Variants in IQCH observed in about 807,000 individuals in gnomAD.
The protein encoded by IQCH is IQ motif containing H.
A neutral mutation model predicts 117.0 loss-of-function variants in IQCH; 98 were observed. The ratio of observed to expected loss-of-function variants is 0.84; its 90% CI spans 0.71 to 0.99. IQCH has a LOEUF of 0.99. Among genes scored for constraint, IQCH ranks in the 50% least tolerant of loss-of-function variants. The pLI is 0.00. For synonymous variants in IQCH, 412 were observed against 448.2 expected (o/e 0.92, Z 1.02); for missense variants, 1,102 against 1,243.8 (o/e 0.89, Z 1.72).
intron 4 of IQCH, among the ~76,000 whole-genome samples, chr15:67,299,992 T>G (rs1395477747): frequency 6.6e-6 from 1 of 152,176 alleles, no homozygotes; most frequent in Non-Finnish European, 1.5e-5. Flanking sequence ...ATGTTTACTT[T>G]AATACGTTAT....
chr15:67,349,615 A>AAAG (rs1969561479), intron 6 of IQCH, among the ~76,000 whole-genome samples: 1 of 151,454 alleles, frequency 6.6e-6, no homozygotes. Flanking sequence ...TCAAAAAAAA[A>AAAG]AAAAAAAGGA....
In IQCH at chr15:67,454,107, G is replaced by A. The variant is rs1027142823; in HGVS notation, c.2506-11020G>A. Among the ~76,000 whole-genome samples, 6 of 152,172 alleles carry A rather than the reference G, an allele frequency of 3.9e-5. No individual in the cohort carries two copies. Among genetic ancestry groups the A allele is most frequent in the African/African-American group, 9.7e-5 (4 of 41,438 alleles). On this transcript the variant is annotated intron_variant, in intron 16 of 20. Transcript: ENST00000335894. This position sits in a 1 kb window ranked among gnomAD's most constrained non-coding sequence, Gnocchi z 5.2. ...CGCAGTATTAGGGTGGGAGTGACCC[G>A]ATTTTCCAGGTGCCATCTGTCACTC...
intron 1 of IQCH, 118 bp from the exon 2 acceptor site, chr15:67,261,154 T>A (rs1965444533): frequency 5.1e-6 from 3 of 582,982 alleles, no homozygotes; most frequent in Non-Finnish European, 8.3e-6. Context: ...ATGAATACCA[T>A]AAAATCAGCT....
chr15:67,348,249 A>C (rs1969493465), intron 6 of IQCH, among the ~76,000 whole-genome samples: 2 of 152,146 alleles, frequency 1.3e-5, no homozygotes, highest in African/African-American at 4.8e-5. Context: ...GTTCCTAGCC[A>C]ATGCAGTGAG....
chr15:67,378,623 T>C (rs529505848), intron 10 of IQCH, among the ~76,000 whole-genome samples: 2 of 152,082 alleles, frequency 1.3e-5, no homozygotes, highest in East Asian at 3.9e-4. Flanking sequence ...TCAACACTCA[T>C]TTATACTGGT....
At chr15:67,348,524 C>A (rs895922062) in intron 6 of IQCH, among the ~76,000 whole-genome samples, 1 of 152,054 alleles carries the variant, frequency 6.6e-6, no homozygotes, top group African/African-American at 2.4e-5. Context: ...ATTAACATAA[C>A]AACAAATATT....
chr15:67,501,001 A>G lies in IQCH; in HGVS notation c.*255A>G. On this transcript the variant is annotated 3_prime_UTR_variant, in exon 21 of 21. Coordinates refer to ENST00000335894, the MANE Select transcript of IQCH (RefSeq NM_001031715.3). The surrounding 1 kb of genome is among the most constrained non-coding windows in gnomAD (Gnocchi z 5.2). ...TCCCTTCTTCTTCTCAAACTCAGAA[A>G]AAAGTAATCTGATAAAAGAAGAAAG... The G allele has an allele frequency of 4.1e-6, 1 of 244,672 alleles. No homozygotes were observed. The highest frequency in any genetic ancestry group is 7.8e-6 in the Non-Finnish European group (1 of 127,514). 15.2% of individuals were successfully genotyped at this position (244,672 alleles called of 1,614,324 possible).
At chr15:67,362,722 C>CAA (rs1211445661) in intron 8 of IQCH, among the ~76,000 whole-genome samples, 1 of 152,232 alleles carries the variant, frequency 6.6e-6, no homozygotes, top group African/African-American at 2.4e-5. Context: ...AGAAGAGAAG[C>CAA]AAAAGCTCCT....
At chr15:67,331,341 C>T (rs2140639677) in intron 4 of IQCH, among the ~76,000 whole-genome samples, 1 of 151,792 alleles carries the variant, frequency 6.6e-6, no homozygotes. Context: ...AACTAGAGCT[C>T]AAACATGAGA....
Position 67,496,042 on chromosome 15 carries a change from C to T in IQCH, c.2970+1676C>T, listed in dbSNP as rs1254237377. Among the ~76,000 whole-genome samples, 1 of 152,174 alleles carries T rather than the reference C, an allele frequency of 6.6e-6. No individual in the cohort carries two copies. Among genetic ancestry groups the T allele is most frequent in the East Asian group, 1.9e-4 (1 of 5,198 alleles). On this transcript the variant is annotated intron_variant, in intron 20 of 20. Transcript: ENST00000335894. The surrounding 1 kb of genome is among the most constrained non-coding windows in gnomAD (Gnocchi z 4.4). ...AAAATGGAAGGTGATTGAGGCTGGG[C>T]ACAATGGCTCATGCCTGTAATTCCA...
At chr15:67,330,437 C>T (rs896161430) in intron 4 of IQCH, among the ~76,000 whole-genome samples, 1 of 152,152 alleles carries the variant, frequency 6.6e-6, no homozygotes, top group East Asian at 1.9e-4. Flanking sequence ...GTGCTCCAAG[C>T]CCAAGATTCT....
At chr15:67,264,195 C>T (rs1454660798) in intron 3 of IQCH, among the ~76,000 whole-genome samples, 1 of 152,252 alleles carries the variant, frequency 6.6e-6, no homozygotes, top group Non-Finnish European at 1.5e-5. Context: ...CCTATTGTTA[C>T]CTGGACCTCC....
rs1037733829 is a variant in IQCH at position 67,406,740 on chromosome 15, G to A, written c.2097+6435G>A. On this transcript the variant is annotated intron_variant, in intron 14 of 20. Transcript: ENST00000335894. This position sits in a 1 kb window ranked among gnomAD's most constrained non-coding sequence, Gnocchi z 4.5. ...CCTAGGTTAGACTCCCATGCTCCCT[G>A]GGGGATAACTATAGGCAAATTACTT... 1.3e-5 allele frequency: 2 copies of A among 152,138 alleles called. No individual in the cohort carries two copies. The highest frequency in any genetic ancestry group is 2.4e-5 in the African/African-American group (1 of 41,412). 9.4% of individuals were successfully genotyped at this position (152,138 alleles called of 1,614,324 possible). A position where few individuals can be genotyped will look rare whatever the true frequency, so the allele number is the denominator to read the frequency against.
rs1392711707 is a variant in IQCH, at chr15:67,447,919, A to G, written c.2506-17208A>G. On this transcript the variant is annotated intron_variant, in intron 16 of 20. Coordinates refer to ENST00000335894, the MANE Select transcript of IQCH (RefSeq NM_001031715.3). The surrounding 1 kb of genome is among the most constrained non-coding windows in gnomAD (Gnocchi z 5.3). ...TCTTTCTTCCAGATCATGACTGCTT[A>G]TGGTGGCCCATATATTAACCCTCAC... Among the ~76,000 whole-genome samples, 1 of 152,208 alleles carries G rather than the reference A, an allele frequency of 6.6e-6. No homozygotes were observed. Among genetic ancestry groups the G allele is most frequent in the African/African-American group, 2.4e-5 (1 of 41,448 alleles).
intron 18 of IQCH, among the ~76,000 whole-genome samples, chr15:67,485,409 C>T (rs1044452429): frequency 3.3e-5 from 5 of 152,124 alleles, no homozygotes; most frequent in African/African-American, 1.2e-4. Flanking sequence ...TAGAAAAAGT[C>T]TTCAGAGATA....
Position 67,425,833 on chromosome 15 carries a change from A to T in IQCH, c.2505+4256A>T, listed in dbSNP as rs1382294447. ...GTAGAAATTTCTGGCAATCTACTGC[A>T]AGAAACAATTTTCCTTCTCCACCTC... On this transcript the variant is annotated intron_variant, in intron 16 of 20. Transcript: ENST00000335894. This position sits in a 1 kb window ranked among gnomAD's most constrained non-coding sequence, Gnocchi z 5.5. Among the ~76,000 whole-genome samples the T allele has an allele frequency of 6.6e-6, 1 of 152,178 alleles. No individual in the cohort carries two copies. The highest frequency in any genetic ancestry group is 1.5e-5 in the Non-Finnish European group (1 of 68,026).
At chr15:67,398,743 A>G (rs558533964) in intron 13 of IQCH, among the ~76,000 whole-genome samples, 2 of 152,094 alleles carry the variant, frequency 1.3e-5, no homozygotes, top group South Asian at 4.2e-4. Flanking sequence ...AAAAAAAAAA[A>G]TTGTGGGCAA....
Position 67,404,255 on chromosome 15 carries a change from C to T in IQCH, c.2097+3950C>T, listed in dbSNP as rs1971789506. 6.6e-6 allele frequency: 1 copy of T among 152,168 alleles called. No homozygotes were observed. Among genetic ancestry groups the T allele is most frequent in the South Asian group, 2.1e-4 (1 of 4,826 alleles). 9.4% of individuals were successfully genotyped at this position (152,168 alleles called of 1,614,324 possible). On this transcript the variant is annotated intron_variant, in intron 14 of 20. Transcript: ENST00000335894. The surrounding 1 kb of genome is among the most constrained non-coding windows in gnomAD (Gnocchi z 4.6). ...AGAATAAACCACAGTTGTTTTGCCTCCTTTTAGAACTAAGGCAGCAAACAG... is the reference window on the plus strand; with the variant it reads ...AGAATAAACCACAGTTGTTTTGCCTTCTTTTAGAACTAAGGCAGCAAACAG...
At chr15:67,410,152 G>A (rs2081411053) in intron 14 of IQCH, among the ~76,000 whole-genome samples, 1 of 152,230 alleles carries the variant, frequency 6.6e-6, no homozygotes. Flanking sequence ...ATCATGGGTT[G>A]TGGATACACA....
Sources: allele counts gnomAD v4.1 joint callset (sites outside exome capture counted in the v4.1 genomes callset), GRCh38; gene constraint gnomAD v4.1.1; non-coding constraint Gnocchi (gnomAD v3.1); transcripts MANE v1.5; gene names NCBI Gene and HGNC (gene_info 2026-07-23, HGNC 2026-07-21).